Variants in USP34 observed in about 807,000 individuals in gnomAD.
USP34 encodes the protein ubiquitin carboxyl-terminal hydrolase 34.
In USP34, 70 loss-of-function variants were observed where a neutral mutation model predicts 460.3. The observed-to-expected ratio is 0.15, with a 90% confidence interval of 0.13 to 0.19. USP34 has a LOEUF of 0.19. Among genes scored for constraint, USP34 ranks in the 10% least tolerant of loss-of-function variants. USP34 has a pLI of 1.00. For synonymous variants in USP34, 1,647 were observed against 1,405.3 expected (o/e 1.17, Z -3.85); for missense variants, 3,985 against 4,236.2 (o/e 0.94, Z 1.65).
intron 19 of USP34, among the ~76,000 whole-genome samples, chr2:61,331,966 T>C (rs923105411): frequency 1.3e-5 from 2 of 152,098 alleles, no homozygotes; most frequent in African/African-American, 2.4e-5. Context: ...TGTACAGATG[T>C]AGAAGTATTA....
intron 15 of USP34, among the ~76,000 whole-genome samples, chr2:61,344,522 T>C (rs1691703506): frequency 6.6e-6 from 1 of 152,150 alleles, no homozygotes; most frequent in Admixed American, 6.5e-5. Flanking sequence ...GACAAAATGA[T>C]TTAAAAAATC....
intron 75 of USP34, among the ~76,000 whole-genome samples, chr2:61,202,562 ATATTC>A (rs1325082519): frequency 2.0e-5 from 3 of 152,106 alleles, no homozygotes; most frequent in African/African-American, 7.2e-5. Context: ...ATTACTAAAG[ATATTC>A]GAGACCCCCC....
chr2:61,323,263 C>G (rs1263501484), intron 21 of USP34, among the ~76,000 whole-genome samples: 1 of 152,012 alleles, frequency 6.6e-6, no homozygotes, highest in Non-Finnish European at 1.5e-5. Context: ...TGTAATCCCA[C>G]CACTTTGGGA....
chr2:61,404,469 A>G (rs987384023), intron 3 of USP34, among the ~76,000 whole-genome samples: 1 of 152,208 alleles, frequency 6.6e-6, no homozygotes, highest in South Asian at 2.1e-4. Context: ...ACAATAGAAT[A>G]TGGCAGAATT....
chr2:61,218,989 G>A (rs1002846974), intron 67 of USP34, among the ~76,000 whole-genome samples: 8 of 152,164 alleles, frequency 5.3e-5, no homozygotes, highest in Non-Finnish European at 1.0e-4. Flanking sequence ...CTCAATGAGT[G>A]AGGAATTAAG....
At chr2:61,452,905 CA>C (rs57925421) in intron 1 of USP34, among the ~76,000 whole-genome samples, 3,742 of 126,180 alleles carry the variant, frequency 0.03, 87 homozygotes, top group African/African-American at 0.11. Flanking sequence ...ACCCCACAAC[CA>C]AAAAAAAAAA....
intron 33 of USP34, among the ~76,000 whole-genome samples, chr2:61,291,089 A>C (rs988672791): frequency 2.0e-5 from 3 of 152,170 alleles, no homozygotes; most frequent in Non-Finnish European, 1.5e-5. Context: ...TCTGAAATAC[A>C]TAAGGAATTC....
chr2:61,242,719 G>C (rs1191880825), intron 51 of USP34, among the ~76,000 whole-genome samples: 1 of 152,164 alleles, frequency 6.6e-6, no homozygotes, highest in African/African-American at 2.4e-5. Context: ...GATTCTACTG[G>C]TAATGCTGGA....
intron 35 of USP34, among the ~76,000 whole-genome samples, chr2:61,283,667 A>T (rs947963553): frequency 3.3e-5 from 5 of 152,104 alleles, no homozygotes; most frequent in Admixed American, 6.6e-5. Flanking sequence ...CCCAGGCTGG[A>T]GTGCAGTGGC....
Position 61,283,387 on chromosome 2 carries a change from G to C in USP34, c.4873+22C>G, listed in dbSNP as rs770264133. On this transcript the variant is annotated intron_variant, in intron 36 of 79. Coordinates refer to ENST00000398571, the MANE Select transcript of USP34 (RefSeq NM_014709.4). ...TTATTCAAGTTTTTATTTATTAAAA[G>C]TTAACTTTGTGGAACCCTTACCTTC... 1.9e-6 allele frequency: 3 copies of C among 1,593,048 alleles called. No homozygotes were observed. In the South Asian group the frequency reaches 3.5e-5, roughly 18 times the overall value.
intron 49 of USP34, 27 bp from the exon 50 acceptor site, chr2:61,246,504 T>G: frequency 1.4e-6 from 2 of 1,451,470 alleles, no homozygotes; most frequent in Non-Finnish European, 1.8e-6. Flanking sequence ...AGAATGGAAA[T>G]AATTTTCCAA....
At chr2:61,296,960 GA>G (rs751886509) in intron 29 of USP34, 35 bp from the exon 30 acceptor site, 10 of 1,559,272 alleles carry the variant, frequency 6.4e-6, no homozygotes, top group Non-Finnish European at 8.6e-6. Flanking sequence ...TATCAAAACA[GA>G]TCAGAAAAGA....
Position 61,247,976 on chromosome 2 carries a change from CAGG to C in USP34, c.6394+532_6394+534del, listed in dbSNP as rs202011377. Among the ~76,000 whole-genome samples, 65 of 152,140 alleles carry C rather than the reference CAGG, an allele frequency of 4.3e-4. No individual in the cohort carries two copies. In the East Asian group the frequency reaches 0.012, roughly 28 times the overall value. ...CCAATGCAGGTGGATTGCCTGAGGTCAGGAGTTCGAGACCAACCTAGCCAACAC... is the reference window on the plus strand; with the variant it reads ...CCAATGCAGGTGGATTGCCTGAGGTCAGTTCGAGACCAACCTAGCCAACAC... On this transcript the variant is annotated intron_variant, in intron 49 of 79. Coordinates refer to ENST00000398571, the MANE Select transcript of USP34 (RefSeq NM_014709.4).
chr2:61,414,598 G>T (rs964041584), intron 2 of USP34, among the ~76,000 whole-genome samples: 1 of 152,188 alleles, frequency 6.6e-6, no homozygotes, highest in Non-Finnish European at 1.5e-5. Context: ...CAGTGGAGGC[G>T]CCCAGGTTCT....
chr2:61,353,599 T>C (rs1173516705), intron 10 of USP34, among the ~76,000 whole-genome samples: 1 of 151,808 alleles, frequency 6.6e-6, no homozygotes, highest in African/African-American at 2.4e-5. Flanking sequence ...GTTGGGTTTT[T>C]TTTGTATTTT....
intron 1 of USP34, among the ~76,000 whole-genome samples, chr2:61,460,115 T>C (rs1045592362): frequency 6.6e-6 from 1 of 152,210 alleles, no homozygotes; most frequent in Non-Finnish European, 1.5e-5. Flanking sequence ...AGCACCCACA[T>C]ATTACTTAGT....
At chr2:61,337,680 T>G (rs183793629) in intron 18 of USP34, among the ~76,000 whole-genome samples, 1 of 152,254 alleles carries the variant, frequency 6.6e-6, no homozygotes, top group Non-Finnish European at 1.5e-5. Context: ...CTGGTCTCAG[T>G]CCTGGACTCA....
At chr2:61,385,933 G>C (rs1693129982) in intron 5 of USP34, among the ~76,000 whole-genome samples, 1 of 147,398 alleles carries the variant, frequency 6.8e-6, no homozygotes, top group South Asian at 2.1e-4. Context: ...GGAGGTGGAG[G>C]TTGCAGTAAG....
chr2:61,470,291 G>C (rs945104273), intron 1 of USP34, among the ~76,000 whole-genome samples: 8 of 152,162 alleles, frequency 5.3e-5, no homozygotes, highest in African/African-American at 1.4e-4. Flanking sequence ...CTCGTCCTCC[G>C]ACCCCACCTC....
Sources: allele counts gnomAD v4.1 joint callset (sites outside exome capture counted in the v4.1 genomes callset), GRCh38; gene constraint gnomAD v4.1.1; transcripts MANE v1.5; gene names NCBI Gene and HGNC (gene_info 2026-07-23, HGNC 2026-07-21).